The following RBFOX1 variants were observed in gnomAD, a reference collection of about 807,000 sequenced individuals.
The protein encoded by RBFOX1 is RNA binding protein fox-1 homolog 1.
In RBFOX1, 8 loss-of-function variants were observed where a neutral mutation model predicts 57.7. That is an observed-to-expected ratio of 0.14 (90% CI 0.08 to 0.25). RBFOX1 has a LOEUF of 0.25. RBFOX1 is among the 10% of genes least tolerant of loss of function. The pLI, the probability that RBFOX1 is intolerant of heterozygous loss-of-function variation, is 1.00. For missense variants in RBFOX1, 611 were observed against 548.5 expected (o/e 1.11, Z -1.14); for synonymous variants, 326 against 222.4 (o/e 1.47, Z -4.15).
chr16:6,356,514 C>G (rs2087348701), intron 2 of RBFOX1, among the ~76,000 whole-genome samples: 2 of 152,172 alleles, frequency 1.3e-5, no homozygotes, highest in South Asian at 4.1e-4. Context: ...TAATTCCAGT[C>G]TGATTATGAG....
chr16:7,294,587 A>T (rs1013253137), intron 4 of RBFOX1, among the ~76,000 whole-genome samples: 2 of 151,874 alleles, frequency 1.3e-5, no homozygotes, highest in African/African-American at 4.8e-5. Flanking sequence ...CAAGCTGTGG[A>T]TAGGGTGGGA....
At chr16:6,512,711 T>G (rs1209348848) in intron 2 of RBFOX1, among the ~76,000 whole-genome samples, 1 of 152,064 alleles carries the variant, frequency 6.6e-6, no homozygotes, top group Non-Finnish European at 1.5e-5. Flanking sequence ...TGTCTTGTGT[T>G]TTGGAGACCG....
rs1237579724 is a variant in RBFOX1 at position 6,106,219 on chromosome 16, G to C, written c.-127+86227G>C. ...TGCCTGTAATTCCAGCACTTTGGGAGGTCTAGGCAGGCTGAATCACCTGAG... is the reference window on the plus strand; with the variant it reads ...TGCCTGTAATTCCAGCACTTTGGGACGTCTAGGCAGGCTGAATCACCTGAG... On this transcript the variant is annotated intron_variant, in intron 1 of 15. Transcript: ENST00000550418. Among the ~76,000 whole-genome samples, 3 of 152,044 alleles carry C rather than the reference G, an allele frequency of 2.0e-5. No homozygotes were observed. In the East Asian group the frequency reaches 5.8e-4, roughly 29 times the overall value.
rs1377375904 is a variant in RBFOX1 at position 7,459,640 on chromosome 16, A to G, written c.28-58507A>G. ...CAGTTCTAGTTTAAAATATTCTACT[A>G]TGCTGTGTCTGTAAATCACAGAAAT... On this transcript the variant is annotated intron_variant, in intron 4 of 15. Transcript: ENST00000550418. Among the ~76,000 whole-genome samples, 3 of 152,204 alleles carry G rather than the reference A, an allele frequency of 2.0e-5. No homozygotes were observed. In the East Asian group the frequency reaches 5.8e-4, roughly 29 times the overall value.
At chr16:5,638,584 G>A (rs898026137) in intron 3 of RBFOX1, among the ~76,000 whole-genome samples, 1 of 152,170 alleles carries the variant, frequency 6.6e-6, no homozygotes, top group Non-Finnish European at 1.5e-5. Context: ...TGGGGTTATA[G>A]GAATGGGATT....
At chr16:5,913,532 T>G (rs2058647297) in intron 4 of RBFOX1, among the ~76,000 whole-genome samples, 1 of 152,128 alleles carries the variant, frequency 6.6e-6, no homozygotes, top group Admixed American at 6.6e-5. Flanking sequence ...CCCTTTGCTT[T>G]CCGCTGTGAT....
At chr16:6,494,238 C>A (rs929947545) in intron 2 of RBFOX1, among the ~76,000 whole-genome samples, 5 of 152,144 alleles carry the variant, frequency 3.3e-5, no homozygotes, top group Admixed American at 2.0e-4. Flanking sequence ...AGGTTACTTG[C>A]ACGTATTTGT....
Position 5,999,903 on chromosome 16 carries a change from AAAAAGAGTG to A in RBFOX1, c.351+132571_351+132579del, listed in dbSNP as rs2060564183. Among the ~76,000 whole-genome samples, 43 of 36,644 alleles carry A rather than the reference AAAAAGAGTG, an allele frequency of 1.2e-3. 10 individuals are homozygous for A. Among genetic ancestry groups the A allele is most frequent in the East Asian group, 6.2e-3 (12 of 1,940 alleles). 24.0% of individuals were successfully genotyped at this position (36,644 alleles called of 152,430 possible). On this transcript the variant is annotated intron_variant, in intron 4 of 19. Transcript: ENST00000641259. ...AAAAAAAAAAAAAAAAAAAAAAAAA[AAAAAGAGTG>A]AAGAAGGGAAATCAGACAAGGAAAG...
rs17139742 is a variant in RBFOX1 at position 6,278,441 on chromosome 16, C to G, written c.-126-38554C>G. 3.1e-5 allele frequency among the ~76,000 whole-genome samples: 4 copies of G among 128,066 alleles called. No individual in the cohort carries two copies. In the East Asian group the frequency reaches 8.1e-4, roughly 26 times the overall value. 84.0% of individuals were successfully genotyped at this position (128,066 alleles called of 152,430 possible). ...AGGCACAACACAAGAAGAGTATTACCTAATCGCATGAAGCATAAATCTGTG... is the reference window on the plus strand; with the variant it reads ...AGGCACAACACAAGAAGAGTATTACGTAATCGCATGAAGCATAAATCTGTG... On this transcript the variant is annotated intron_variant, in intron 1 of 15. Transcript: ENST00000550418.
At position 6,042,365 on chromosome 16, in the gene RBFOX1, C is replaced by T. The variant is rs955726044; in HGVS notation, c.-127+22373C>T. On this transcript the variant is annotated intron_variant, in intron 1 of 15. Coordinates refer to ENST00000550418, the MANE Select transcript of RBFOX1 (RefSeq NM_018723.4). The stretch of plus-strand genomic sequence containing the variant: ...TTGTCCACCTCGGTCTCCCAAAGTG[C>T]TGGGATTACAGGCATGAGCCACCGT... Among the ~76,000 whole-genome samples the T allele has an allele frequency of 2.6e-5, 4 of 152,216 alleles. No homozygotes were observed. The South Asian group carries it at 8.3e-4, about 32-fold the overall frequency.
chr16:7,150,133 T>A (rs1286740431), intron 4 of RBFOX1, among the ~76,000 whole-genome samples: 1 of 152,184 alleles, frequency 6.6e-6, no homozygotes, highest in Non-Finnish European at 1.5e-5. Flanking sequence ...AGGGCTTTCA[T>A]GGTCTGTTGA....
chr16:7,682,577 C>G (rs1362534343), intron 14 of RBFOX1, among the ~76,000 whole-genome samples: 1 of 149,098 alleles, frequency 6.7e-6, no homozygotes, highest in Non-Finnish European at 1.5e-5. Flanking sequence ...TATTTTTACT[C>G]AACCTGATGA....
At chr16:5,699,278 A>G (rs573563021) in intron 3 of RBFOX1, among the ~76,000 whole-genome samples, 2 of 151,426 alleles carry the variant, frequency 1.3e-5, no homozygotes, top group South Asian at 4.2e-4. Context: ...CAGTTATATC[A>G]CCTCAGTCTT....
At chr16:6,459,984 CAAAAAAAAAAAAAAAAAAAAAAAAAAAA>C (rs149424076) in intron 2 of RBFOX1, among the ~76,000 whole-genome samples, 8 of 47,682 alleles carry the variant, frequency 1.7e-4, no homozygotes, top group Admixed American at 8.1e-4. Context: ...AACTCCATCT[CAAAAAAAAAAAAAAAAAAAAAAAAAAAA>C]AAAAAAAAAA....
At chr16:6,236,272 G>A (rs1021983118) in intron 1 of RBFOX1, among the ~76,000 whole-genome samples, 1 of 152,046 alleles carries the variant, frequency 6.6e-6, no homozygotes, top group Non-Finnish European at 1.5e-5. Flanking sequence ...TTGACCTTGG[G>A]AAAACTACTG....
chr16:5,650,134 G>T (rs1464137424), intron 3 of RBFOX1, among the ~76,000 whole-genome samples: 2 of 152,170 alleles, frequency 1.3e-5, no homozygotes, highest in African/African-American at 4.8e-5. Flanking sequence ...TTTCGACAGG[G>T]ACTCAACAGC....
chr16:7,187,686 C>T (rs1194357302), intron 4 of RBFOX1, among the ~76,000 whole-genome samples: 1 of 61,642 alleles, frequency 1.6e-5, no homozygotes, highest in African/African-American at 8.7e-5. Flanking sequence ...GAGACTCTGT[C>T]TCACAAAAAA....
chr16:6,362,479 C>T (rs1487233758), intron 2 of RBFOX1, among the ~76,000 whole-genome samples: 1 of 152,184 alleles, frequency 6.6e-6, no homozygotes, highest in African/African-American at 2.4e-5. Flanking sequence ...TATGAGGCCA[C>T]CTGCTCGTAT....
chr16:6,842,707 G>C (rs143799901), intron 3 of RBFOX1, among the ~76,000 whole-genome samples: 9 of 150,032 alleles, frequency 6.0e-5, no homozygotes, highest in Non-Finnish European at 1.3e-4. Context: ...AGAATGTGCA[G>C]GTTTGTTACA....
Sources: allele counts gnomAD v4.1 joint callset (sites outside exome capture counted in the v4.1 genomes callset), GRCh38; gene constraint gnomAD v4.1.1; transcripts MANE v1.5; gene names NCBI Gene and HGNC (gene_info 2026-07-23, HGNC 2026-07-21).